Variants in ELAVL2 observed in about 807,000 individuals in gnomAD.
ELAVL2 encodes ELAV like RNA binding protein 2, also known as ELAV-like protein 2.
In ELAVL2, 4 loss-of-function variants were observed where a neutral mutation model predicts 34.6. The observed-to-expected ratio is 0.12, with a 90% CI of 0.06 to 0.26. ELAVL2 has a LOEUF of 0.26. Among genes scored for constraint, ELAVL2 ranks in the 10% least tolerant of loss-of-function variants. The pLI, the probability that ELAVL2 is intolerant of heterozygous loss-of-function variation, is 1.00. For synonymous variants in ELAVL2, 193 were observed against 154.8 expected (o/e 1.25, Z -1.83); for missense variants, 432 against 442.8 (o/e 0.98, Z 0.22).
At chr9:23,776,488 G>A (rs2058209828) in intron 1 of ELAVL2, among the ~76,000 whole-genome samples, 1 of 152,046 alleles carries the variant, frequency 6.6e-6, no homozygotes. Context: ...AAAAAGAGGA[G>A]TAAAGAAACT....
At position 23,783,383 on chromosome 9, in the gene ELAVL2, A is replaced by G. The variant is rs866372086; in HGVS notation, c.-15-21134T>C. ...AATGGAGTAACTCCAAGGAAAACCG[A>G]AAGTTAAACTGAAGAAAAACATGTA... On this transcript the variant is annotated intron_variant, in intron 1 of 6. Coordinates refer to ENST00000397312, the MANE Select transcript of ELAVL2 (RefSeq NM_004432.5). The G allele has an allele frequency of 3.7e-5, 35 of 950,560 alleles. No homozygotes were observed. In the African/African-American group the frequency reaches 5.7e-4, roughly 15 times the overall value. 58.9% of individuals were successfully genotyped at this position (950,560 alleles called of 1,614,324 possible). A position where few individuals can be genotyped will look rare whatever the true frequency, so the allele number is the denominator to read the frequency against.
At chr9:23,786,806 G>C (rs981199240) in intron 1 of ELAVL2, among the ~76,000 whole-genome samples, 2 of 141,410 alleles carry the variant, frequency 1.4e-5, no homozygotes, top group African/African-American at 2.6e-5. Context: ...AAAAAAAAGA[G>C]AGAGAGAGAA....
chr9:23,771,838 C>T (rs1447886496), intron 1 of ELAVL2, among the ~76,000 whole-genome samples: 1 of 152,042 alleles, frequency 6.6e-6, no homozygotes, highest in African/African-American at 2.4e-5. Context: ...ATTTATATAC[C>T]TCTACAATAG....
chr9:23,773,990 T>C (rs938930352), intron 1 of ELAVL2, among the ~76,000 whole-genome samples: 1 of 151,774 alleles, frequency 6.6e-6, no homozygotes, highest in Non-Finnish European at 1.5e-5. Flanking sequence ...GGCGGGCAGA[T>C]CACGAGGTCA....
intron 3 of ELAVL2, among the ~76,000 whole-genome samples, chr9:23,714,213 T>C (rs1381648515): frequency 6.6e-6 from 1 of 152,086 alleles, no homozygotes; most frequent in African/African-American, 2.4e-5. Context: ...AGCATCATCA[T>C]CCCCAATTTA....
intron 3 of ELAVL2, among the ~76,000 whole-genome samples, chr9:23,728,085 T>C (rs1262847098): frequency 6.6e-6 from 1 of 152,034 alleles, no homozygotes; most frequent in Non-Finnish European, 1.5e-5. Context: ...GTCGCAGCTC[T>C]TTCTTCAACT....
At chr9:23,816,644 C>A (rs576984828) in intron 1 of ELAVL2, among the ~76,000 whole-genome samples, 1 of 152,086 alleles carries the variant, frequency 6.6e-6, no homozygotes, top group Admixed American at 6.6e-5. Flanking sequence ...AAGTAACACA[C>A]GTTTAGGAGA....
intron 2 of ELAVL2, among the ~76,000 whole-genome samples, chr9:23,754,576 A>G (rs1002286642): frequency 2.6e-5 from 4 of 151,994 alleles, no homozygotes; most frequent in African/African-American, 9.7e-5. Context: ...CTCCCACCTC[A>G]GCCTTGTGAG....
At chr9:23,727,380 G>A (rs376811762) in intron 3 of ELAVL2, among the ~76,000 whole-genome samples, 5 of 152,060 alleles carry the variant, frequency 3.3e-5, no homozygotes, top group African/African-American at 9.7e-5. Flanking sequence ...GGTGAACCAC[G>A]TTGAACTCTG....
rs143173951 is a variant in ELAVL2, at chr9:23,800,356, T to A, written c.-16+25450A>T. On this transcript the variant is annotated intron_variant, in intron 1 of 6. Coordinates refer to ENST00000397312, the MANE Select transcript of ELAVL2 (RefSeq NM_004432.5). ...CAAATGTGTAACCCAGGGTATCTGC[T>A]CATGCAGGGGCCTAAGTGCACCCTT... is the stretch of plus-strand genomic sequence containing the variant. Among the ~76,000 whole-genome samples the A allele has an allele frequency of 2.6e-5, 4 of 152,270 alleles. No homozygotes were observed. In the East Asian group the frequency reaches 7.7e-4, roughly 29 times the overall value.
chr9:23,816,375 G>C (rs2063726758), intron 1 of ELAVL2, among the ~76,000 whole-genome samples: 1 of 128,454 alleles, frequency 7.8e-6, no homozygotes, highest in Non-Finnish European at 1.6e-5. Context: ...TGAAGGAATA[G>C]TTTATTGCTT....
intron 3 of ELAVL2, among the ~76,000 whole-genome samples, chr9:23,729,013 T>C (rs1205045585): frequency 6.6e-6 from 1 of 152,122 alleles, no homozygotes; most frequent in East Asian, 1.9e-4. Flanking sequence ...CTTCCACATA[T>C]TCAGCCCAAG....
intron 3 of ELAVL2, among the ~76,000 whole-genome samples, chr9:23,719,807 T>C (rs931999787): frequency 2.0e-5 from 3 of 149,566 alleles, no homozygotes; most frequent in Non-Finnish European, 4.4e-5. Flanking sequence ...AAATTTTTAT[T>C]AAATTTTAAA....
At chr9:23,779,208 G>GGAAC (rs2058695767) in intron 1 of ELAVL2, 2 of 985,298 alleles carry the variant, frequency 2.0e-6, no homozygotes, top group Non-Finnish European at 2.4e-6. Flanking sequence ...AAGTGGGGAA[G>GGAAC]GAACTGAAGG....
chr9:23,831,108 G>C (rs2065487563), upstream of ELAVL2, among the ~76,000 whole-genome samples: 1 of 152,148 alleles, frequency 6.6e-6, no homozygotes, highest in Admixed American at 6.5e-5. Context: ...CTTTTCTCTG[G>C]CCCCTTTACC....
At chr9:23,756,148 A>G (rs556122973) in intron 2 of ELAVL2, among the ~76,000 whole-genome samples, 4 of 152,284 alleles carry the variant, frequency 2.6e-5, no homozygotes, top group African/African-American at 9.6e-5. Flanking sequence ...GATAGAATAA[A>G]GAAGGATCAA....
At chr9:23,734,325 C>T (rs1564157825) in intron 2 of ELAVL2, among the ~76,000 whole-genome samples, 1 of 152,188 alleles carries the variant, frequency 6.6e-6, no homozygotes, top group Non-Finnish European at 1.5e-5. Flanking sequence ...TGGTATTTTA[C>T]TGTTTAATTG....
chr9:23,762,807 A>G (rs1441433043), intron 1 of ELAVL2, among the ~76,000 whole-genome samples: 1 of 152,150 alleles, frequency 6.6e-6, no homozygotes, highest in Non-Finnish European at 1.5e-5. Context: ...TACATATTGA[A>G]AACGTTTTTG....
chr9:23,818,369 TC>T (rs1363716419), intron 1 of ELAVL2, among the ~76,000 whole-genome samples: 7 of 152,312 alleles, frequency 4.6e-5, no homozygotes, highest in Non-Finnish European at 1.5e-5. Context: ...GGTAACCTTG[TC>T]CAAAAATTCT....
Sources: allele counts gnomAD v4.1 joint callset (sites outside exome capture counted in the v4.1 genomes callset), GRCh38; gene constraint gnomAD v4.1.1; transcripts MANE v1.5; gene names NCBI Gene and HGNC (gene_info 2026-07-23, HGNC 2026-07-21).